The following TRPM7 variants were observed in gnomAD, a reference collection of about 807,000 sequenced individuals.
The protein encoded by TRPM7 is LTRPC ion channel family member 7.
Under a neutral mutation model 229.7 loss-of-function variants are expected in TRPM7, and 134 were observed. The ratio of observed to expected loss-of-function variants is 0.58; its 90% CI spans 0.51 to 0.67. The LOEUF (loss-of-function observed/expected upper bound fraction) is 0.67. Among genes scored for constraint, TRPM7 ranks in the 30% least tolerant of loss-of-function variants. The pLI, the probability that TRPM7 is intolerant of heterozygous loss-of-function variation, is 0.00. For missense variants in TRPM7, 1,901 were observed against 2,210.0 expected (o/e 0.86, Z 2.80); for synonymous variants, 699 against 715.2 (o/e 0.98, Z 0.36).
chr15:50,576,703 A>C (rs2054152147), intron 31 of TRPM7, among the ~76,000 whole-genome samples: 1 of 152,222 alleles, frequency 6.6e-6, no homozygotes, highest in Admixed American at 6.5e-5. Flanking sequence ...GTCATCATAG[A>C]AATGATTCTC....
chr15:50,597,191 C>A (rs1261738566), intron 22 of TRPM7, among the ~76,000 whole-genome samples: 1 of 151,978 alleles, frequency 6.6e-6, no homozygotes, highest in Non-Finnish European at 1.5e-5. Flanking sequence ...TTTTCATTAC[C>A]CCTAACTGAA....
Position 50,646,592 on chromosome 15 carries a change from T to C in TRPM7, c.321+2095A>G, listed in dbSNP as rs114926082. The stretch of plus-strand genomic sequence containing the variant: ...AGCTACCATGCCAAGGTTAAAATGT[T>C]CAAATCTAAATAAATAATAACTGTT... On this transcript the variant is annotated intron_variant, in intron 4 of 38. Transcript: ENST00000646667. 1.9e-3 allele frequency among the ~76,000 whole-genome samples: 291 copies of C among 152,290 alleles called. 1 individual carries two copies. Among genetic ancestry groups the C allele is most frequent in the African/African-American group, 6.4e-3 (267 of 41,572 alleles).
At chr15:50,680,438 C>T (rs1316365039) in intron 1 of TRPM7, among the ~76,000 whole-genome samples, 1 of 150,274 alleles carries the variant, frequency 6.7e-6, no homozygotes, top group Non-Finnish European at 1.5e-5. Flanking sequence ...AATGTGGTGG[C>T]GCAACCTGTA....
At position 50,592,825 on chromosome 15, in the gene TRPM7, G is replaced by A. The variant is rs542623827; in HGVS notation, c.3609-199C>T. Among the ~76,000 whole-genome samples, 11 of 152,226 alleles carry A rather than the reference G, an allele frequency of 7.2e-5. No individual in the cohort carries two copies. The East Asian group carries it at 2.1e-3, about 29-fold the overall frequency. ...TCCAGTGCTAATCTTATATTAAAAT[G>A]CAAGATTTCAAAAAACGTTTTTGTT... is the stretch of plus-strand genomic sequence containing the variant. On this transcript the variant is annotated intron_variant, in intron 25 of 38. Coordinates refer to ENST00000646667, the MANE Select transcript of TRPM7 (RefSeq NM_017672.6).
At chr15:50,614,021 T>C in intron 14 of TRPM7, 102 bp downstream of exon 14, 4 of 1,367,412 alleles carry the variant, frequency 2.9e-6, no homozygotes, top group Non-Finnish European at 3.0e-6. Context: ...TTCAACTTTA[T>C]GACAGTGTAA....
At chr15:50,597,026 G>A (rs896749089) in intron 22 of TRPM7, among the ~76,000 whole-genome samples, 3 of 152,136 alleles carry the variant, frequency 2.0e-5, no homozygotes, top group East Asian at 1.9e-4. Flanking sequence ...GGGATTATAC[G>A]CATGACTCAA....
At chr15:50,608,318 G>A (rs922076143) in intron 19 of TRPM7, among the ~76,000 whole-genome samples, 5 of 148,968 alleles carry the variant, frequency 3.4e-5, no homozygotes, top group African/African-American at 1.2e-4. Context: ...CACACTTATT[G>A]ACCCTTGAAA....
At chr15:50,686,317 G>A (rs1046620357) in intron 1 of TRPM7, among the ~76,000 whole-genome samples, 2 of 152,202 alleles carry the variant, frequency 1.3e-5, no homozygotes, top group Non-Finnish European at 2.9e-5. Context: ...TTCCCGCGAA[G>A]AGGTGTCGCC....
intron 1 of TRPM7, among the ~76,000 whole-genome samples, chr15:50,674,930 C>A (rs1177083204): frequency 2.6e-5 from 4 of 152,098 alleles, no homozygotes; most frequent in African/African-American, 9.7e-5. Context: ...TTGGCAAATC[C>A]ACCCAAAACT....
Position 50,663,689 on chromosome 15 carries a change from G to A in TRPM7, c.4-643C>T, listed in dbSNP as rs146540677. On this transcript the variant is annotated intron_variant, in intron 1 of 38. Transcript: ENST00000646667. ...GAGCCATTTAAAAGACAACTAGCTC[G>A]GCACAGTAGCTCACACCTGTAATCT... is the stretch of plus-strand genomic sequence containing the variant. 2.8e-4 allele frequency among the ~76,000 whole-genome samples: 43 copies of A among 152,226 alleles called. 1 individual carries two copies. The East Asian group carries it at 6.6e-3, about 23-fold the overall frequency.
chr15:50,599,193 G>C lies in TRPM7; in HGVS notation c.3092C>G (p.Thr1031Ser), dbSNP rs766460059. The change falls in exon 22 of 39, where the codon ACT (threonine) becomes AGT (serine). Residue 1031 changes from threonine (T) to serine (S), a missense_variant. Around this residue, in one of 8 missense-constraint regions of TRPM7, gnomAD observed 89 missense variants for 178.2 expected, o/e 0.50. Coordinates refer to ENST00000646667, the MANE Select transcript of TRPM7 (RefSeq NM_017672.6). ...GTGAAAAACTATATCTTTAGCAAGA[G>C]TCCAAGATGGTGCTTCATGAGGATA... ...ILYPHEAPSW[T>S]LAKDIVFHPY... The C allele has an allele frequency of 1.2e-6, 2 of 1,613,400 alleles. No homozygotes were observed. The highest frequency in any genetic ancestry group is 2.2e-5 in the South Asian group (2 of 91,032).
chr15:50,621,144 C>T (rs946253093), intron 12 of TRPM7, among the ~76,000 whole-genome samples: 2 of 114,102 alleles, frequency 1.8e-5, no homozygotes, highest in Non-Finnish European at 3.3e-5. Flanking sequence ...TGGGCAACAG[C>T]GAGACTCCGT....
chr15:50,679,702 A>AT (rs1295373742), intron 1 of TRPM7, among the ~76,000 whole-genome samples: 6 of 150,398 alleles, frequency 4.0e-5, no homozygotes. Context: ...CGTCCAGCTG[A>AT]TTTTTATATT....
At position 50,686,704 on chromosome 15, in the gene TRPM7, G is replaced by C. The variant is rs1219569234; in HGVS notation, c.-171C>G. ...CTCAGCTCCGGCGCTAGCAGCAGAAGCCGAGTCTTTCATAATTGTGCGACC... is the reference window on the plus strand; with the variant it reads ...CTCAGCTCCGGCGCTAGCAGCAGAACCCGAGTCTTTCATAATTGTGCGACC... On this transcript the variant is annotated 5_prime_UTR_variant, in exon 1 of 39. Coordinates refer to ENST00000646667, the MANE Select transcript of TRPM7 (RefSeq NM_017672.6). 7.1e-6 allele frequency: 6 copies of C among 841,628 alleles called. No homozygotes were observed. Among genetic ancestry groups the C allele is most frequent in the Non-Finnish European group, 1.1e-5 (6 of 565,048 alleles). The allele number at this position is 841,628 out of a possible 1,614,324, so 52.1% of individuals were successfully genotyped here. A position where few individuals can be genotyped will look rare whatever the true frequency, so the allele number is the denominator to read the frequency against.
chr15:50,680,904 T>C (rs1286682186), intron 1 of TRPM7, among the ~76,000 whole-genome samples: 2 of 151,492 alleles, frequency 1.3e-5, no homozygotes. Flanking sequence ...CTGCTCTTTA[T>C]ATATAAATAA....
intron 1 of TRPM7, among the ~76,000 whole-genome samples, chr15:50,666,505 G>A (rs1195709531): frequency 2.0e-5 from 3 of 151,508 alleles, no homozygotes; most frequent in South Asian, 2.1e-4. Flanking sequence ...CGAAGAGGAA[G>A]AGGAAAAAGA....
chr15:50,582,640 ATCTC>A (rs1193089809), intron 29 of TRPM7, among the ~76,000 whole-genome samples: 1 of 152,196 alleles, frequency 6.6e-6, no homozygotes, highest in Non-Finnish European at 1.5e-5. Flanking sequence ...TAACAACATA[ATCTC>A]TCTATGCCAG....
intron 23 of TRPM7, among the ~76,000 whole-genome samples, chr15:50,594,958 T>G (rs763630448): frequency 1.3e-5 from 2 of 152,114 alleles, no homozygotes; most frequent in African/African-American, 2.4e-5. Flanking sequence ...TCTTAGCACT[T>G]TGGAAGGCCA....
At chr15:50,655,071 A>AGAGG (rs1555430436) in intron 3 of TRPM7, among the ~76,000 whole-genome samples, 3 of 140,730 alleles carry the variant, frequency 2.1e-5, no homozygotes, top group Admixed American at 7.2e-5. Context: ...TGTAGAAATA[A>AGAGG]GAGTGAACCT....
Sources: allele counts gnomAD v4.1 joint callset (sites outside exome capture counted in the v4.1 genomes callset), GRCh38; gene constraint gnomAD v4.1.1; regional missense constraint gnomAD v4.1.1; transcripts MANE v1.5; gene names NCBI Gene and HGNC (gene_info 2026-07-23, HGNC 2026-07-21).